The following MYLK variants were observed in gnomAD, a reference collection of about 807,000 sequenced individuals.
The protein encoded by MYLK is myosin light chain kinase.
A neutral mutation model predicts 203.4 loss-of-function variants in MYLK; 106 were observed. The ratio of observed to expected loss-of-function variants is 0.52; its 90% confidence interval spans 0.45 to 0.61. The LOEUF is 0.61. Ranked by LOEUF, MYLK falls within the 20% of genes least tolerant of loss-of-function variation. MYLK has a pLI of 0.00. For synonymous variants in MYLK, 867 were observed against 959.5 expected (o/e 0.90, Z 1.78); for missense variants, 2,072 against 2,442.3 (o/e 0.85, Z 3.20).
chr3:123,683,806 C>T (rs760231187), intron 19 of MYLK, among the ~76,000 whole-genome samples: 12 of 151,036 alleles, frequency 7.9e-5, no homozygotes, highest in South Asian at 6.2e-4. Flanking sequence ...CAGTATGTGA[C>T]GGGGTGTTGG....
At chr3:123,691,977 A>G (rs2060688413) in intron 19 of MYLK, 1 of 152,432 alleles carries the variant, frequency 6.6e-6, no homozygotes. Context: ...TATCTGTAAA[A>G]TGAGGGTGTT....
At chr3:123,755,888 AC>A (rs759723594) in intron 4 of MYLK, among the ~76,000 whole-genome samples, 2 of 152,166 alleles carry the variant, frequency 1.3e-5, no homozygotes, top group South Asian at 4.1e-4. Context: ...TGGTTTGGAT[AC>A]CCAGAAGCAG....
Position 123,610,899 on chromosome 3 carries a change from C to T in MYLK, c.*3206G>A, listed in dbSNP as rs1050223980. The stretch of plus-strand genomic sequence containing the variant: ...AACAGTCAGCATGTCTTATTAGTTG[C>T]ATGTAGGAAATATCTTTTAATAAGA... On this transcript the variant is annotated 3_prime_UTR_variant, in exon 34 of 34. Coordinates refer to ENST00000360304, the MANE Select transcript of MYLK (RefSeq NM_053025.4). 6.6e-5 allele frequency: 10 copies of T among 152,076 alleles called. No homozygotes were observed. Among genetic ancestry groups the T allele is most frequent in the Admixed American group, 2.6e-4 (4 of 15,262 alleles). 9.4% of individuals were successfully genotyped at this position (152,076 alleles called of 1,614,324 possible).
intron 5 of MYLK, among the ~76,000 whole-genome samples, chr3:123,751,525 G>A (rs1218278946): frequency 1.3e-5 from 2 of 152,142 alleles, no homozygotes; most frequent in African/African-American, 4.8e-5. Context: ...TTTTAATAAT[G>A]AGCATGTATT....
At chr3:123,619,027 G>C (rs1440363694) in intron 32 of MYLK, among the ~76,000 whole-genome samples, 1 of 152,174 alleles carries the variant, frequency 6.6e-6, no homozygotes, top group Non-Finnish European at 1.5e-5. Flanking sequence ...TGTTGAAAGA[G>C]GAAATCATCT....
At chr3:123,740,562 CA>C (rs1008881361) in intron 5 of MYLK, among the ~76,000 whole-genome samples, 1 of 152,270 alleles carries the variant, frequency 6.6e-6, no homozygotes, top group Non-Finnish European at 1.5e-5. Context: ...CAGGTCACTG[CA>C]GATGAGCTAC....
intron 5 of MYLK, among the ~76,000 whole-genome samples, chr3:123,747,162 G>C (rs917373483): frequency 6.6e-6 from 1 of 152,206 alleles, no homozygotes; most frequent in Non-Finnish European, 1.5e-5. Flanking sequence ...CATTTCCTAC[G>C]AATTCAAGGT....
chr3:123,861,151 A>C (rs2178409), intron 2 of MYLK, among the ~76,000 whole-genome samples: 3,249 of 152,206 alleles, frequency 0.021, 108 homozygotes, highest in African/African-American at 0.071. Flanking sequence ...AAAAAACAAA[A>C]AAAAAAAACT....
At chr3:123,857,301 A>C (rs2031484481) in intron 2 of MYLK, among the ~76,000 whole-genome samples, 2 of 152,176 alleles carry the variant, frequency 1.3e-5, no homozygotes, top group Non-Finnish European at 2.9e-5. Flanking sequence ...TACTGGGTAT[A>C]TACCCAAAGG....
chr3:123,744,380 C>T (rs2108841119), intron 5 of MYLK, among the ~76,000 whole-genome samples: 1 of 152,054 alleles, frequency 6.6e-6, no homozygotes, highest in Non-Finnish European at 1.5e-5. Context: ...GTACAAGTAG[C>T]ACAGCAAAGT....
chr3:123,882,219 G>C (rs1249549225), intron 1 of MYLK, among the ~76,000 whole-genome samples: 1 of 152,106 alleles, frequency 6.6e-6, no homozygotes, highest in African/African-American at 2.4e-5. Context: ...CATTAGACTA[G>C]TATGGACAAC....
At chr3:123,826,169 T>C (rs956948114) in intron 3 of MYLK, among the ~76,000 whole-genome samples, 7 of 152,224 alleles carry the variant, frequency 4.6e-5, no homozygotes, top group Middle Eastern at 3.4e-3. Context: ...GAAACAACGC[T>C]GTGGACCACC....
intron 4 of MYLK, among the ~76,000 whole-genome samples, chr3:123,777,814 G>A (rs1223017492): frequency 6.6e-6 from 1 of 152,164 alleles, no homozygotes; most frequent in Non-Finnish European, 1.5e-5. Context: ...CCTTGTTTAT[G>A]CACAGGGACA....
chr3:123,842,956 C>T (rs1234098596), intron 2 of MYLK, among the ~76,000 whole-genome samples: 2 of 152,220 alleles, frequency 1.3e-5, no homozygotes, highest in East Asian at 3.8e-4. Flanking sequence ...GGGACGGACA[C>T]CATGTCGGAT....
intron 2 of MYLK, among the ~76,000 whole-genome samples, chr3:123,849,820 T>C (rs1202488787): frequency 6.6e-6 from 1 of 152,206 alleles, no homozygotes; most frequent in Non-Finnish European, 1.5e-5. Context: ...TGTATACATG[T>C]GCCCTGTTGG....
intron 22 of MYLK, among the ~76,000 whole-genome samples, chr3:123,665,702 T>C (rs909628373): frequency 6.6e-6 from 1 of 152,248 alleles, no homozygotes; most frequent in Non-Finnish European, 1.5e-5. Context: ...GGAACCATTA[T>C]GATAAATTGT....
chr3:123,614,384 C>A, intron 33 of MYLK, 35 bp from the exon 34 acceptor site: 1 of 1,613,654 alleles, frequency 6.2e-7, no homozygotes, highest in South Asian at 1.1e-5. Flanking sequence ...GTTGCAGGAA[C>A]TGTTATTCAA....
intron 7 of MYLK, among the ~76,000 whole-genome samples, chr3:123,738,593 T>C (rs908743372): frequency 6.6e-6 from 1 of 152,022 alleles, no homozygotes; most frequent in African/African-American, 2.4e-5. Context: ...CAGTGGGAGG[T>C]AACTGAATCA....
At chr3:123,767,534 G>C (rs1325981207) in intron 4 of MYLK, among the ~76,000 whole-genome samples, 1 of 152,218 alleles carries the variant, frequency 6.6e-6, no homozygotes, top group Non-Finnish European at 1.5e-5. Context: ...TTGAACCTGG[G>C]AGGTGGAGGT....
Sources: gnomAD v4.1 joint callset for allele counts (sites outside exome capture counted in the v4.1 genomes callset) on GRCh38, gnomAD v4.1.1 for gene constraint, MANE v1.5 for transcripts, NCBI Gene and HGNC (gene_info 2026-07-23, HGNC 2026-07-21) for gene names.